CPNE4: variants seen among roughly 807,000 people sequenced by gnomAD.
CPNE4 encodes the protein copine-4.
A neutral mutation model predicts 67.9 loss-of-function variants in CPNE4; 25 were observed. That is an observed-to-expected ratio of 0.37 (90% CI 0.27 to 0.51). The LOEUF (loss-of-function observed/expected upper bound fraction) is 0.51, where lower values mean the gene tolerates loss of function less well. CPNE4 is among the 20% of genes least tolerant of loss of function. The pLI is 0.93. For missense variants in CPNE4, 464 were observed against 690.8 expected, an observed-to-expected ratio of 0.67 and a Z score of 3.68; for synonymous variants, 242 against 244.9, an observed-to-expected ratio of 0.99 and a Z score of 0.11.
intron 2 of CPNE4, among the ~76,000 whole-genome samples, chr3:131,820,687 T>G (rs2084930299): frequency 6.6e-6 from 1 of 152,246 alleles, no homozygotes; most frequent in Non-Finnish European, 1.5e-5. Context: ...TTTCTGTTCT[T>G]AAAAATAACT....
At chr3:131,710,573 A>G (rs2081532215) in intron 3 of CPNE4, among the ~76,000 whole-genome samples, 1 of 152,182 alleles carries the variant, frequency 6.6e-6, no homozygotes, top group Non-Finnish European at 1.5e-5. Flanking sequence ...AGGTATTGAA[A>G]TCAGAACAAC....
At chr3:131,545,229 T>C (rs1935759341) in intron 14 of CPNE4, among the ~76,000 whole-genome samples, 1 of 152,302 alleles carries the variant, frequency 6.6e-6, no homozygotes, top group Admixed American at 6.5e-5. Context: ...AAAATACAAA[T>C]ATTATTCTAC....
chr3:131,593,719 TTTG>T, intron 7 of CPNE4, among the ~76,000 whole-genome samples: 1 of 152,108 alleles, frequency 6.6e-6, no homozygotes, highest in East Asian at 1.9e-4. Context: ...TGTTTGTTTG[TTTG>T]TTTTGTTTTT....
intron 1 of CPNE4, among the ~76,000 whole-genome samples, chr3:131,973,341 T>C (rs1014579386): frequency 2.0e-5 from 3 of 152,110 alleles, no homozygotes; most frequent in African/African-American, 7.2e-5. Context: ...TCCATCTATG[T>C]AGGGTGCAAA....
At chr3:131,786,072 A>C (rs2083554858) in intron 2 of CPNE4, among the ~76,000 whole-genome samples, 1 of 152,018 alleles carries the variant, frequency 6.6e-6, no homozygotes, top group Non-Finnish European at 1.5e-5. Context: ...GTTTTACATG[A>C]AGGTAGGCAT....
At chr3:131,835,937 G>C (rs996228461) in intron 2 of CPNE4, among the ~76,000 whole-genome samples, 2 of 152,164 alleles carry the variant, frequency 1.3e-5, no homozygotes, top group African/African-American at 4.8e-5. Context: ...CACAGTTGGA[G>C]AGGATTACTA....
At chr3:131,808,173 C>T (rs72628542) in intron 2 of CPNE4, among the ~76,000 whole-genome samples, 2,748 of 152,172 alleles carry the variant, frequency 0.018, 75 homozygotes, top group East Asian at 0.097. Flanking sequence ...CTGTCCTAAA[C>T]GGAATGTCCA....
chr3:131,731,327 G>A (rs148394150), intron 2 of CPNE4, among the ~76,000 whole-genome samples: 117 of 152,286 alleles, frequency 7.7e-4, no homozygotes, highest in African/African-American at 2.7e-3. Flanking sequence ...AGAAGTAAAT[G>A]AAATGAGTAT....
intron 6 of CPNE4, among the ~76,000 whole-genome samples, chr3:131,685,063 G>T (rs557502502): frequency 9.9e-5 from 15 of 152,166 alleles, no homozygotes; most frequent in Non-Finnish European, 1.9e-4. Flanking sequence ...AAATTACCAT[G>T]AAGCTCAGAG....
intron 2 of CPNE4, among the ~76,000 whole-genome samples, chr3:131,888,207 T>C (rs2087970095): frequency 6.6e-6 from 1 of 152,190 alleles, no homozygotes; most frequent in Non-Finnish European, 1.5e-5. Context: ...ACAGTAGTAA[T>C]TGGAAGAAAC....
intron 7 of CPNE4, among the ~76,000 whole-genome samples, chr3:131,628,204 A>G (rs976103635): frequency 6.6e-6 from 1 of 152,218 alleles, no homozygotes; most frequent in Non-Finnish European, 1.5e-5. Flanking sequence ...TTGAGGCAAC[A>G]TCCCAACACC....
chr3:131,898,423 T>C (rs1217579477), intron 2 of CPNE4, among the ~76,000 whole-genome samples: 2 of 152,126 alleles, frequency 1.3e-5, no homozygotes, highest in African/African-American at 2.4e-5. Flanking sequence ...TTTTACTCTG[T>C]GCAGGAAGCC....
In CPNE4 at chr3:131,792,696, C is replaced by CACGTGTGTATATATGT. The variant is rs1560322840; in HGVS notation, c.181-69072_181-69071insACATATATACACACGT. Among the ~76,000 whole-genome samples the CACGTGTGTATATATGT allele has an allele frequency of 4.5e-3, 201 of 44,428 alleles. 3 individuals are homozygous for CACGTGTGTATATATGT. The highest frequency in any genetic ancestry group is 0.016 in the African/African-American group (193 of 11,766). 29.1% of individuals were successfully genotyped at this position (44,428 alleles called of 152,430 possible). On this transcript the variant is annotated intron_variant, in intron 2 of 15. Coordinates refer to ENST00000429747, the MANE Select transcript of CPNE4 (RefSeq NM_130808.3). Reference sequence around the variant, plus strand: ...ACATATATACACACGTGTATATATACATATACACACACGTGTATATATGTA... The same window carrying CACGTGTGTATATATGT: ...ACATATATACACACGTGTATATATACACGTGTGTATATATGTATATACACACACGTGTATATATGTA...
chr3:131,583,806 C>T (rs931265359), intron 8 of CPNE4, among the ~76,000 whole-genome samples: 2 of 152,064 alleles, frequency 1.3e-5, no homozygotes, highest in Non-Finnish European at 2.9e-5. Flanking sequence ...TTTCCCAATC[C>T]CATTTAACTC....
intron 2 of CPNE4, among the ~76,000 whole-genome samples, chr3:131,874,353 G>T (rs190989488): frequency 8.9e-4 from 135 of 152,308 alleles, no homozygotes; most frequent in Admixed American, 1.8e-3. Flanking sequence ...CTCCCAAAGT[G>T]CTGGGATTAC....
chr3:131,680,474 T>C (rs1179090443), intron 6 of CPNE4, among the ~76,000 whole-genome samples: 1 of 152,114 alleles, frequency 6.6e-6, no homozygotes, highest in Non-Finnish European at 1.5e-5. Context: ...ACTTTAACTT[T>C]GTCCCCCAGC....
chr3:131,933,150 A>G (rs924569305), intron 1 of CPNE4, among the ~76,000 whole-genome samples: 3 of 152,140 alleles, frequency 2.0e-5, no homozygotes, highest in African/African-American at 7.2e-5. Flanking sequence ...TTTAAGGGCA[A>G]TGGTGAATAA....
At chr3:132,017,158 C>A (rs1583602523) in intron 1 of CPNE4, among the ~76,000 whole-genome samples, 1 of 152,164 alleles carries the variant, frequency 6.6e-6, no homozygotes, top group East Asian at 1.9e-4. Context: ...AGAAACAGTA[C>A]ATGGTAAACA....
intron 5 of CPNE4, among the ~76,000 whole-genome samples, chr3:131,687,346 A>G (rs904983808): frequency 2.0e-5 from 3 of 152,198 alleles, no homozygotes; most frequent in African/African-American, 7.2e-5. Context: ...AGCATTTTCC[A>G]TAGTGTCTAG....
Sources: gnomAD v4.1 joint callset for allele counts (sites outside exome capture counted in the v4.1 genomes callset) on GRCh38, gnomAD v4.1.1 for gene constraint, MANE v1.5 for transcripts, NCBI Gene and HGNC (gene_info 2026-07-23, HGNC 2026-07-21) for gene names.